RANBP17: variants seen among roughly 807,000 people sequenced by gnomAD.
RANBP17 encodes the protein ran-binding protein 17.
RANBP17 carries 158 observed loss-of-function variants against 141.2 expected under a neutral mutation model. That is an observed-to-expected ratio of 1.12 (90% CI 0.98 to 1.28). RANBP17 has a LOEUF of 1.28. RANBP17 is among the 50% of genes most tolerant of loss of function. The pLI, the probability that RANBP17 is intolerant of heterozygous loss-of-function variation, is 0.00. For synonymous variants in RANBP17, 430 were observed against 450.0 expected, an observed-to-expected ratio of 0.96 and a Z score of 0.56; for missense variants, 1,438 against 1,290.7, an observed-to-expected ratio of 1.11 and a Z score of -1.75.
At chr5:171,110,067 T>G (rs1755114991) in intron 14 of RANBP17, among the ~76,000 whole-genome samples, 1 of 152,034 alleles carries the variant, frequency 6.6e-6, no homozygotes. Flanking sequence ...GTCTTTTTTC[T>G]TATTTATATA....
chr5:171,148,055 TTC>T (rs1490662043), intron 14 of RANBP17, among the ~76,000 whole-genome samples: 1 of 151,484 alleles, frequency 6.6e-6, no homozygotes, highest in Non-Finnish European at 1.5e-5. Flanking sequence ...AGAAAAATTC[TTC>T]TGCCTTGGGA....
chr5:170,926,012 T>G (rs764644068), intron 12 of RANBP17, among the ~76,000 whole-genome samples: 30 of 152,338 alleles, frequency 2.0e-4, no homozygotes, highest in Non-Finnish European at 3.8e-4. Context: ...TGTTGTGATA[T>G]CCATTATATA....
intron 22 of RANBP17, among the ~76,000 whole-genome samples, chr5:171,231,447 AC>A (rs1283203205): frequency 6.6e-6 from 1 of 152,162 alleles, no homozygotes; most frequent in Non-Finnish European, 1.5e-5. Context: ...CTAAGACTAT[AC>A]GTAGGATCCT....
In RANBP17 at chr5:171,053,778, G is replaced by A. The variant is rs562742189; in HGVS notation, c.1710+85401G>A. ...AATGTTGAATAGCAGTGGTGAAAGT[G>A]GTCATCCTCTTGTTACTCATCTTGG... On this transcript the variant is annotated intron_variant, in intron 14 of 27. Coordinates refer to ENST00000523189, the MANE Select transcript of RANBP17 (RefSeq NM_022897.5). Among the ~76,000 whole-genome samples, 4 of 150,148 alleles carry A rather than the reference G, an allele frequency of 2.7e-5. No homozygotes were observed. In the East Asian group the frequency reaches 5.9e-4, roughly 22 times the overall value.
intron 14 of RANBP17, among the ~76,000 whole-genome samples, chr5:171,150,186 C>T (rs1391354821): frequency 6.7e-6 from 1 of 149,446 alleles, no homozygotes; most frequent in Non-Finnish European, 1.5e-5. Flanking sequence ...CTATACCACT[C>T]TTTAAAAACT....
intron 14 of RANBP17, among the ~76,000 whole-genome samples, chr5:171,112,421 A>G (rs1266662739): frequency 6.6e-6 from 1 of 152,020 alleles, no homozygotes; most frequent in Admixed American, 6.6e-5. Context: ...ATTGTGTCCA[A>G]ACAAACAAAA....
chr5:170,876,098 C>T (rs761949417), intron 1 of RANBP17, among the ~76,000 whole-genome samples: 10 of 152,148 alleles, frequency 6.6e-5, no homozygotes, highest in Non-Finnish European at 1.2e-4. Flanking sequence ...GGCTGGAGAA[C>T]GGCAGAGACA....
chr5:170,940,463 C>A (rs1186607727), intron 12 of RANBP17, among the ~76,000 whole-genome samples: 1 of 152,110 alleles, frequency 6.6e-6, no homozygotes. Flanking sequence ...GTCACCCAGG[C>A]ATGCAAATAT....
At chr5:171,098,014 A>G (rs1786828052) in intron 14 of RANBP17, among the ~76,000 whole-genome samples, 1 of 152,008 alleles carries the variant, frequency 6.6e-6, no homozygotes, top group South Asian at 2.1e-4. Flanking sequence ...TATGTGCCAC[A>G]TTTGCTTTAT....
chr5:170,979,880 A>G (rs180742348), intron 14 of RANBP17, among the ~76,000 whole-genome samples: 146 of 152,330 alleles, frequency 9.6e-4, no homozygotes, highest in African/African-American at 3.4e-3. Flanking sequence ...GCAACTTTGG[A>G]ACTGGGTAAC....
chr5:171,151,704 T>C (rs1438710913), intron 14 of RANBP17, among the ~76,000 whole-genome samples: 1 of 152,172 alleles, frequency 6.6e-6, no homozygotes, highest in Non-Finnish European at 1.5e-5. Context: ...GATGGCATTC[T>C]TATATAATTA....
intron 16 of RANBP17, among the ~76,000 whole-genome samples, chr5:171,173,053 G>T (rs1265449124): frequency 6.6e-6 from 1 of 151,858 alleles, no homozygotes; most frequent in Admixed American, 6.6e-5. Flanking sequence ...TTTCAGGTTT[G>T]CATATTTAGA....
At chr5:171,297,836 C>G (rs1310707864) in intron 27 of RANBP17, among the ~76,000 whole-genome samples, 1 of 149,148 alleles carries the variant, frequency 6.7e-6, no homozygotes, top group Non-Finnish European at 1.5e-5. Flanking sequence ...TCAAACTGAC[C>G]CAATAAATTC....
At chr5:171,227,889 G>T (rs1763977065) in intron 22 of RANBP17, among the ~76,000 whole-genome samples, 1 of 152,156 alleles carries the variant, frequency 6.6e-6, no homozygotes, top group Non-Finnish European at 1.5e-5. Context: ...TCTGTTTACA[G>T]CATGCTTTAC....
intron 25 of RANBP17, among the ~76,000 whole-genome samples, chr5:171,277,639 A>G (rs10074773): frequency 0.26 from 3,868 of 14,644 alleles, 422 homozygotes; most frequent in Middle Eastern, 0.47. Flanking sequence ...ATATGTATGT[A>G]TATATATATA....
Position 171,298,816 on chromosome 5 carries a change from T to G in RANBP17, c.3225T>G (p.Ser1075Arg), listed in dbSNP as rs1768984182. 6.2e-7 allele frequency: 1 copy of G among 1,614,090 alleles called. No individual in the cohort carries two copies. Among genetic ancestry groups the G allele is most frequent in the Non-Finnish European group, 8.5e-7 (1 of 1,180,040 alleles). ...FRRDVAEALRSDGNTEPCSLD... is the reference protein window; with the variant it reads ...FRRDVAEALRRDGNTEPCSLD... ...GAGATGTGGCAGAGGCGTTGCGCAG[T>G]GATGGCAACACTGAACCATGCAGTC... The change falls in exon 28 of 28, where the codon AGT (serine) becomes AGG (arginine). Residue 1075 changes from serine (S) to arginine (R), a missense_variant. Transcript: ENST00000523189.
At chr5:171,119,830 A>G (rs1379118485) in intron 14 of RANBP17, among the ~76,000 whole-genome samples, 1 of 152,094 alleles carries the variant, frequency 6.6e-6, no homozygotes, top group African/African-American at 2.4e-5. Context: ...ACCTGAGGTC[A>G]GGAGTTCGAG....
chr5:170,902,750 T>G (rs55800208), intron 5 of RANBP17, among the ~76,000 whole-genome samples: 13,950 of 152,282 alleles, frequency 0.092, 830 homozygotes, highest in Admixed American at 0.13. Flanking sequence ...GCTTTCTGTT[T>G]GTTAGTTTTC....
chr5:171,177,733 T>A (rs1760582054), intron 16 of RANBP17, among the ~76,000 whole-genome samples: 1 of 152,198 alleles, frequency 6.6e-6, no homozygotes, highest in South Asian at 2.1e-4. Flanking sequence ...CGTGGTTTAT[T>A]TTTCTTAATG....
Sources: gnomAD v4.1 joint callset for allele counts (sites outside exome capture counted in the v4.1 genomes callset) on GRCh38, gnomAD v4.1.1 for gene constraint, MANE v1.5 for transcripts, NCBI Gene and HGNC (gene_info 2026-07-23, HGNC 2026-07-21) for gene names.